Variants in MBNL1 observed in about 807,000 individuals in gnomAD.
The protein encoded by MBNL1 is muscleblind like splicing regulator 1.
In MBNL1, 8 loss-of-function variants were observed where a neutral mutation model predicts 42.2. That is an observed-to-expected ratio of 0.19 (90% CI 0.11 to 0.34). The LOEUF (loss-of-function observed/expected upper bound fraction) is 0.34, where lower values mean the gene tolerates loss of function less well. MBNL1 is among the 10% of genes least tolerant of loss of function. MBNL1 has a pLI of 1.00. For missense variants in MBNL1, 309 were observed against 495.3 expected, an observed-to-expected ratio of 0.62 and a Z score of 3.57; for synonymous variants, 169 against 173.9, an observed-to-expected ratio of 0.97 and a Z score of 0.22.
At chr3:152,461,481 A>ATATT (rs1283614450) in intron 9 of MBNL1, among the ~76,000 whole-genome samples, 5 of 152,212 alleles carry the variant, frequency 3.3e-5, no homozygotes, top group Non-Finnish European at 7.3e-5. Context: ...TGGTATGTAT[A>ATATT]TATTTAACTA....
intron 2 of MBNL1, among the ~76,000 whole-genome samples, chr3:152,398,165 T>A (rs1248069619): frequency 6.6e-6 from 1 of 152,180 alleles, no homozygotes; most frequent in Admixed American, 6.5e-5. Context: ...TGCATAATTT[T>A]GGAAACAGGG....
At chr3:152,322,461 C>T (rs777085503) in intron 2 of MBNL1, among the ~76,000 whole-genome samples, 6 of 151,908 alleles carry the variant, frequency 3.9e-5, no homozygotes, top group South Asian at 2.1e-4. Flanking sequence ...GGCTATGTCA[C>T]GGAAATGCAA....
chr3:152,331,155 T>G (rs1192153784), intron 2 of MBNL1, among the ~76,000 whole-genome samples: 1 of 151,762 alleles, frequency 6.6e-6, no homozygotes, highest in Non-Finnish European at 1.5e-5. Context: ...TCTTCTTCTC[T>G]TTTCATACTC....
chr3:152,448,219 A>C (rs1714342690), intron 6 of MBNL1, among the ~76,000 whole-genome samples: 2 of 152,178 alleles, frequency 1.3e-5, no homozygotes, highest in Non-Finnish European at 2.9e-5. Context: ...AATGAAAACA[A>C]CTATGCGTTC....
intron 4 of MBNL1, among the ~76,000 whole-genome samples, chr3:152,441,358 G>A (rs1282865421): frequency 6.6e-6 from 1 of 152,074 alleles, no homozygotes; most frequent in Admixed American, 6.5e-5. Flanking sequence ...ATCCAGATTT[G>A]TATGGTGTGT....
intron 2 of MBNL1, among the ~76,000 whole-genome samples, chr3:152,253,449 C>T (rs1322546871): frequency 1.3e-5 from 2 of 152,040 alleles, no homozygotes; most frequent in Non-Finnish European, 2.9e-5. Flanking sequence ...TTTGTGTTAG[C>T]CTATTAAGAA....
intron 1 of MBNL1, among the ~76,000 whole-genome samples, chr3:152,289,937 T>A (rs1339428159): frequency 6.6e-6 from 1 of 152,102 alleles, no homozygotes; most frequent in Non-Finnish European, 1.5e-5. Context: ...TTCGAGCAAT[T>A]CCATACTCAT....
chr3:152,426,768 T>C (rs952070388), intron 3 of MBNL1, among the ~76,000 whole-genome samples: 3 of 152,240 alleles, frequency 2.0e-5, no homozygotes, highest in Non-Finnish European at 4.4e-5. Context: ...GTCCATAATT[T>C]GTGTAGAAAT....
At chr3:152,352,604 T>C (rs1408089117) in intron 2 of MBNL1, among the ~76,000 whole-genome samples, 1 of 151,946 alleles carries the variant, frequency 6.6e-6, no homozygotes, top group East Asian at 1.9e-4. Flanking sequence ...TTTTTTTTGG[T>C]TGTTGTTGTT....
At chr3:152,285,044 C>T (rs2050741205) in intron 1 of MBNL1, among the ~76,000 whole-genome samples, 1 of 152,054 alleles carries the variant, frequency 6.6e-6, no homozygotes, top group Admixed American at 6.5e-5. Flanking sequence ...TTAGTGTCTA[C>T]CCCATGGACA....
At chr3:152,255,789 T>A (rs959743681) in intron 2 of MBNL1, among the ~76,000 whole-genome samples, 5 of 151,996 alleles carry the variant, frequency 3.3e-5, no homozygotes, top group African/African-American at 1.2e-4. Flanking sequence ...GATGGCCTAT[T>A]TGAAAAGGTA....
intron 2 of MBNL1, among the ~76,000 whole-genome samples, chr3:152,301,682 C>T (rs1401882691): frequency 6.6e-6 from 1 of 152,136 alleles, no homozygotes; most frequent in Non-Finnish European, 1.5e-5. Context: ...AAGTTATAAA[C>T]TCCCATTGAG....
chr3:152,443,464 T>C (rs1273258147), intron 4 of MBNL1, among the ~76,000 whole-genome samples: 1 of 114,718 alleles, frequency 8.7e-6, no homozygotes, highest in African/African-American at 3.3e-5. Context: ...CTTTCGTTTA[T>C]GCAGTAGTAT....
intron 8 of MBNL1, chr3:152,458,076 C>T: frequency 2.0e-6 from 3 of 1,468,600 alleles, no homozygotes; most frequent in Non-Finnish European, 9.5e-7. Context: ...AAGTTTATAG[C>T]TGGCCCTTCA....
At chr3:152,450,735 C>G (rs569003006) in intron 6 of MBNL1, among the ~76,000 whole-genome samples, 1 of 152,180 alleles carries the variant, frequency 6.6e-6, no homozygotes, top group Non-Finnish European at 1.5e-5. Context: ...GTAAGAAACC[C>G]GCACAACCTA....
intron 2 of MBNL1, among the ~76,000 whole-genome samples, chr3:152,257,111 C>T (rs1435927235): frequency 2.6e-5 from 4 of 152,126 alleles, no homozygotes; most frequent in South Asian, 2.1e-4. Flanking sequence ...ACCATACTAT[C>T]GGATTATTGC....
In MBNL1 at chr3:152,358,953, T is replaced by C. The variant is rs1005643522; in HGVS notation, c.175-55988T>C. ...AATAAATACACATGCTTTAGGAAGATATCAGTTGCTTAAAAGTACATTAAC... is the reference window on the plus strand; with the variant it reads ...AATAAATACACATGCTTTAGGAAGACATCAGTTGCTTAAAAGTACATTAAC... On this transcript the variant is annotated intron_variant, in intron 2 of 9. Transcript: ENST00000324210. Among the ~76,000 whole-genome samples the C allele has an allele frequency of 4.2e-4, 64 of 152,148 alleles. 1 individual carries two copies. The highest frequency in any genetic ancestry group is 5.9e-5 in the Non-Finnish European group (4 of 68,006).
chr3:152,321,631 A>G (rs994504861), intron 2 of MBNL1, among the ~76,000 whole-genome samples: 7 of 152,036 alleles, frequency 4.6e-5, no homozygotes, highest in African/African-American at 1.2e-4. Context: ...TTCGTTAGTA[A>G]TTGAGAAGCA....
chr3:152,288,055 T>C (rs964445162), intron 1 of MBNL1, among the ~76,000 whole-genome samples: 1 of 152,228 alleles, frequency 6.6e-6, no homozygotes, highest in African/African-American at 2.4e-5. Context: ...AAGCCTAACT[T>C]TATTTATACT....
Sources: gnomAD v4.1 joint callset for allele counts (sites outside exome capture counted in the v4.1 genomes callset) on GRCh38, gnomAD v4.1.1 for gene constraint, MANE v1.5 for transcripts, NCBI Gene and HGNC (gene_info 2026-07-23, HGNC 2026-07-21) for gene names.